SBNO2: variants seen among roughly 807,000 people sequenced by gnomAD.
The protein encoded by SBNO2 is protein strawberry notch homolog 2.
SBNO2 carries 89 observed loss-of-function variants against 146.3 expected under a neutral mutation model. The ratio of observed to expected loss-of-function variants is 0.61; its 90% CI spans 0.51 to 0.73. SBNO2 has a LOEUF of 0.73. Among genes scored for constraint, SBNO2 ranks in the 30% least tolerant of loss-of-function variants. The probability of loss-of-function intolerance (pLI) is 0.00; values close to 1 mark genes in which losing one functional copy is unlikely to be tolerated. For missense variants in SBNO2, 2,092 were observed against 2,003.7 expected, an observed-to-expected ratio of 1.04 and a Z score of -0.84; for synonymous variants, 1,147 against 892.6, an observed-to-expected ratio of 1.29 and a Z score of -5.08.
At position 1,112,942 on chromosome 19, in the gene SBNO2, C is replaced by T; in HGVS notation, c.2255G>A (p.Gly752Asp). The change falls in exon 20 of 32, where the codon GGC (glycine) becomes GAC (aspartate). Residue 752 changes from glycine (G) to aspartate (D), a missense_variant. By Grantham distance (94) the Gly-to-Asp change is moderately conservative. Coordinates refer to ENST00000361757, the MANE Select transcript of SBNO2 (RefSeq NM_014963.3). The surrounding 1 kb of genome is among the most constrained non-coding windows in gnomAD (Gnocchi z 5.9). ...CCTGGACACCACGCGGCCTTTCCTG[C>T]CGGTCATCTGCAGCCGAGACAGGGA... is the stretch of plus-strand genomic sequence containing the variant. ...GGPQRVAEMT[G>D]RKGRVVSRPD... 1 of 1,563,490 alleles carries T rather than the reference C, an allele frequency of 6.4e-7. No homozygotes were observed. Among genetic ancestry groups the T allele is most frequent in the Non-Finnish European group, 8.7e-7 (1 of 1,155,442 alleles).
At chr19:1,172,455 G>A (rs921879401) in intron 1 of SBNO2, among the ~76,000 whole-genome samples, 14 of 152,266 alleles carry the variant, frequency 9.2e-5, no homozygotes, top group Middle Eastern at 3.4e-3. Flanking sequence ...AGGATGTCTG[G>A]GAAGAAAGGG....
At position 1,112,200 on chromosome 19, in the gene SBNO2, G is replaced by C. The variant is rs1419532435; in HGVS notation, c.2617C>G (p.Leu873Val). ...CCCCACCTGCTCACCAGACTCTCCA[G>C]GCGCTTGGCCACGATGGAGGCGAAC... ...RRFASIVAKRLESLGALTHGD... is the reference protein window; with the variant it reads ...RRFASIVAKRVESLGALTHGD... Residue 873 changes from leucine to valine, a missense_variant, in exon 22 of 32, where the codon CTG becomes GTG. Transcript: ENST00000361757. This position sits in a 1 kb window ranked among gnomAD's most constrained non-coding sequence, Gnocchi z 5.9. 3.1e-6 allele frequency: 5 copies of C among 1,588,506 alleles called. No individual in the cohort carries two copies. The highest frequency in any genetic ancestry group is 4.3e-6 in the Non-Finnish European group (5 of 1,167,502).
At chr19:1,170,469 G>A (rs1380472406) in intron 1 of SBNO2, among the ~76,000 whole-genome samples, 1 of 152,160 alleles carries the variant, frequency 6.6e-6, no homozygotes, top group African/African-American at 2.4e-5. Context: ...GGCAGGCCAG[G>A]ACGAGAACCA....
chr19:1,134,064 T>TAGCTCATGGGTGGACCCAC (rs2080061671), intron 4 of SBNO2, among the ~76,000 whole-genome samples: 1 of 137,844 alleles, frequency 7.3e-6, no homozygotes, highest in African/African-American at 2.8e-5. Context: ...ACAGGACCCA[T>TAGCTCATGGGTGGACCCAC]AGCTCATGGG....
intron 11 of SBNO2, 49 bp from the exon 12 acceptor site, chr19:1,120,072 C>G (rs1019848187): frequency 6.2e-6 from 9 of 1,459,034 alleles, no homozygotes; most frequent in Non-Finnish European, 1.9e-6. Context: ...GGGGCGACCC[C>G]AGGAGCCCAG....
chr19:1,132,307 C>T lies in SBNO2; in HGVS notation c.280-4542G>A, dbSNP rs1034211783. 3.1e-6 allele frequency: 4 copies of T among 1,309,868 alleles called. No homozygotes were observed. The African/African-American group carries it at 4.6e-5, about 15-fold the overall frequency. 81.1% of individuals were successfully genotyped at this position (1,309,868 alleles called of 1,614,324 possible). A position where few individuals can be genotyped will look rare whatever the true frequency, so the allele number is the denominator to read the frequency against. ...TCACCGCCGCCGGCGCCTACTTCCT[C>T]TAAGGCCGGGGCTGACTTTCAGGAA... On this transcript the variant is annotated intron_variant, in intron 4 of 31. Coordinates refer to ENST00000361757, the MANE Select transcript of SBNO2 (RefSeq NM_014963.3).
In SBNO2 at chr19:1,143,682, C is replaced by T. The variant is rs566619831; in HGVS notation, c.279+3627G>A. Among the ~76,000 whole-genome samples the T allele has an allele frequency of 5.9e-5, 9 of 152,216 alleles. No homozygotes were observed. The South Asian group carries it at 1.7e-3, about 28-fold the overall frequency. ...TCCCCCTTCACGGCCAGAGCGCAGG[C>T]TCTTCCCGTCTCTCTCTGGCTCTCA... On this transcript the variant is annotated intron_variant, in intron 4 of 31. Transcript: ENST00000361757.
In SBNO2 at chr19:1,108,299, C is replaced by A. The variant is rs1464200242; in HGVS notation, c.4022G>T (p.Gly1341Val). 1 of 1,484,476 alleles carries A rather than the reference C, an allele frequency of 6.7e-7. No homozygotes were observed. Among genetic ancestry groups the A allele is most frequent in the Non-Finnish European group, 9.0e-7 (1 of 1,113,534 alleles). The allele number at this position is 1,484,476 out of a possible 1,614,324, so 92.0% of individuals were successfully genotyped here. ...CCGCTCGGGACCACCGCCCGCCGCG[C>A]CCCCCGCCCCCGCGCCCTCCCCCAG... ...GALGEGAGAG[G>V]AAGGGPERQS... Residue 1341 changes from glycine (G) to valine (V), a missense_variant, in exon 32 of 32, where the codon GGC becomes GTC. By Grantham distance (109) the Gly-to-Val change is moderately radical. Coordinates refer to ENST00000361757, the MANE Select transcript of SBNO2 (RefSeq NM_014963.3).
chr19:1,134,209 T>G (rs2080064422), intron 4 of SBNO2, among the ~76,000 whole-genome samples: 1 of 124,914 alleles, frequency 8.0e-6, no homozygotes, highest in Admixed American at 8.2e-5. Context: ...AGCTCACAGG[T>G]GGACCCACAG....
At position 1,114,382 on chromosome 19, in the gene SBNO2, C is replaced by G. The variant is rs145532754; in HGVS notation, c.1926G>C (p.Ala642=). Residue 642 remains alanine (A), a synonymous_variant, in exon 18 of 32, where the codon GCG becomes GCC. Transcript: ENST00000361757. The part of the protein sequence containing the change: ...RGRGAKAPRL[A]CETAGVIRIS... ...TGCGGATGACGCCCGCTGTCTCGCACGCCAGCCGGGGGGCTTTGGCCCCGC... is the reference window on the plus strand; with the variant it reads ...TGCGGATGACGCCCGCTGTCTCGCAGGCCAGCCGGGGGGCTTTGGCCCCGC... 10 of 1,552,854 alleles carry G rather than the reference C, an allele frequency of 6.4e-6. No individual in the cohort carries two copies. The highest frequency in any genetic ancestry group is 8.7e-6 in the Non-Finnish European group (10 of 1,148,104).
intron 3 of SBNO2, among the ~76,000 whole-genome samples, chr19:1,148,032 C>T (rs1173632189): frequency 2.6e-5 from 4 of 152,122 alleles, no homozygotes; most frequent in Non-Finnish European, 5.9e-5. Flanking sequence ...CCACTCCGGC[C>T]CCCTTGGCCA....
At chr19:1,148,441 C>T (rs1182589031) in intron 3 of SBNO2, among the ~76,000 whole-genome samples, 1 of 151,770 alleles carries the variant, frequency 6.6e-6, no homozygotes, top group African/African-American at 2.4e-5. Flanking sequence ...CCCAGCCCAG[C>T]TGCTGCCCTC....
rs2079711813 is a variant in SBNO2 at position 1,108,840 on chromosome 19, G to A, written c.3555C>T (p.Val1185=). ...CGATCTGCAGGTAGCTGCTGCTGCT[G>A]ACGTCGGCCATGACGGCGGCGATGC... ...WGRIAAVMAD[V]SSSSYLQIVR... is the part of the protein sequence containing the mutation. Residue 1185 remains valine, a synonymous_variant, in exon 31 of 32, where the codon GTC becomes GTT. Coordinates refer to ENST00000361757, the MANE Select transcript of SBNO2 (RefSeq NM_014963.3). 5.6e-6 allele frequency: 9 copies of A among 1,600,650 alleles called. No individual in the cohort carries two copies. In the South Asian group the frequency reaches 6.6e-5, roughly 12 times the overall value.
chr19:1,116,417 G>A (rs933068573), intron 16 of SBNO2, among the ~76,000 whole-genome samples: 5 of 150,950 alleles, frequency 3.3e-5, no homozygotes, highest in African/African-American at 1.2e-4. Context: ...GCATTGGGGA[G>A]CTCCGACCCC....
chr19:1,153,496 C>G (rs1321267207), intron 2 of SBNO2, among the ~76,000 whole-genome samples: 1 of 151,846 alleles, frequency 6.6e-6, no homozygotes, highest in Non-Finnish European at 1.5e-5. Context: ...GCCTTGGCCT[C>G]TGAAAGTGCT....
intron 2 of SBNO2, among the ~76,000 whole-genome samples, chr19:1,153,895 C>A (rs536900530): frequency 6.6e-6 from 1 of 152,210 alleles, no homozygotes; most frequent in Non-Finnish European, 1.5e-5. Context: ...TTGAGCCCCC[C>A]CTACAGCTGA....
intron 4 of SBNO2, among the ~76,000 whole-genome samples, chr19:1,145,682 ACAGATGC>A (rs1285801921): frequency 2.0e-5 from 3 of 152,004 alleles, no homozygotes; most frequent in Non-Finnish European, 2.9e-5. Context: ...AGGGTGGGGC[ACAGATGC>A]CAGCTCTGGA....
chr19:1,121,551 G>A lies in SBNO2; in HGVS notation c.1149+588C>T, dbSNP rs1301090953. The stretch of plus-strand genomic sequence containing the variant: ...CAACACCCAAGGTGCACCCTGCAGG[G>A]CCGAGCACCAGGGCTGAGCCTGGCC... On this transcript the variant is annotated intron_variant, in intron 11 of 31. Coordinates refer to ENST00000361757, the MANE Select transcript of SBNO2 (RefSeq NM_014963.3). 2.6e-5 allele frequency among the ~76,000 whole-genome samples: 4 copies of A among 152,190 alleles called. No individual in the cohort carries two copies. The East Asian group carries it at 7.7e-4, about 29-fold the overall frequency.
chr19:1,147,226 C>A (rs908957470), intron 4 of SBNO2, 83 bp downstream of exon 4: 1 of 942,514 alleles, frequency 1.1e-6, no homozygotes, highest in Non-Finnish European at 1.6e-6. Context: ...CAGGCCTGAG[C>A]GAGAGAGGTC....
Sources: gnomAD v4.1 joint callset for allele counts (sites outside exome capture counted in the v4.1 genomes callset) on GRCh38, gnomAD v4.1.1 for gene constraint, Gnocchi (gnomAD v3.1) non-coding constraint, MANE v1.5 for transcripts, NCBI Gene and HGNC (gene_info 2026-07-23, HGNC 2026-07-21) for gene names.